RHEB: variants seen among roughly 807,000 people sequenced by gnomAD.
RHEB encodes the protein GTP-binding protein Rheb.
Under a neutral mutation model 28.8 loss-of-function variants are expected in RHEB, and 2 were observed. The observed-to-expected ratio is 0.07, with a 90% CI of 0.03 to 0.22. The LOEUF (loss-of-function observed/expected upper bound fraction) is 0.22. Among genes scored for constraint, RHEB ranks in the 10% least tolerant of loss-of-function variants. The pLI is 1.00. For synonymous variants in RHEB, 69 were observed against 77.3 expected, an observed-to-expected ratio of 0.89 and a Z score of 0.56; for missense variants, 76 against 219.9, an observed-to-expected ratio of 0.35 and a Z score of 4.14.
At chr7:151,469,710 T>C (rs1802125917) in intron 7 of RHEB, among the ~76,000 whole-genome samples, 1 of 152,036 alleles carries the variant, frequency 6.6e-6, no homozygotes, top group East Asian at 1.9e-4. Flanking sequence ...AGGTGAGACA[T>C]TTTGAAAGTG....
intron 1 of RHEB, among the ~76,000 whole-genome samples, chr7:151,517,147 T>TGAGGTCAGGCGTTTGAGAC (rs1193897931): frequency 6.6e-6 from 1 of 152,168 alleles, no homozygotes; most frequent in African/African-American, 2.4e-5. Flanking sequence ...GAGGACCACC[T>TGAGGTCAGGCGTTTGAGAC]GAGGTCAGGC....
At chr7:151,497,534 A>G (rs1802695070) in intron 1 of RHEB, among the ~76,000 whole-genome samples, 1 of 152,240 alleles carries the variant, frequency 6.6e-6, no homozygotes, top group Non-Finnish European at 1.5e-5. Context: ...AAGGACACCT[A>G]CTATGGGCCA....
At chr7:151,499,884 C>G (rs555362360) in intron 1 of RHEB, among the ~76,000 whole-genome samples, 1 of 152,326 alleles carries the variant, frequency 6.6e-6, no homozygotes, top group East Asian at 1.9e-4. Flanking sequence ...TCAGAGCTCA[C>G]TGCAGCCTCC....
chr7:151,480,309 C>T (rs6976123), intron 3 of RHEB, among the ~76,000 whole-genome samples: 7,396 of 152,064 alleles, frequency 0.049, 535 homozygotes, highest in African/African-American at 0.16. Flanking sequence ...CTGGATATTA[C>T]GCAGCCTTGG....
At chr7:151,483,581 G>T (rs1802415982) in intron 3 of RHEB, among the ~76,000 whole-genome samples, 1 of 152,164 alleles carries the variant, frequency 6.6e-6, no homozygotes, top group Admixed American at 6.5e-5. Context: ...AGCCGGGTGT[G>T]GTGGTGTGCC....
chr7:151,512,580 T>G (rs1261358084), intron 1 of RHEB, among the ~76,000 whole-genome samples: 1 of 152,176 alleles, frequency 6.6e-6, no homozygotes, highest in Non-Finnish European at 1.5e-5. Flanking sequence ...CCCTCGTGCT[T>G]CCTTCCATTC....
intron 1 of RHEB, among the ~76,000 whole-genome samples, chr7:151,507,262 T>C (rs763772464): frequency 2.0e-5 from 3 of 152,208 alleles, no homozygotes; most frequent in Non-Finnish European, 2.9e-5. Flanking sequence ...ATGCCAATCA[T>C]ATGCTTAACA....
At chr7:151,504,178 C>A (rs1289519958) in intron 1 of RHEB, among the ~76,000 whole-genome samples, 1 of 152,196 alleles carries the variant, frequency 6.6e-6, no homozygotes, top group Non-Finnish European at 1.5e-5. Context: ...TTGTGCCCAG[C>A]GTTTGGGAGC....
chr7:151,512,364 CCCA>C (rs1344208166), intron 1 of RHEB, among the ~76,000 whole-genome samples: 1 of 152,162 alleles, frequency 6.6e-6, no homozygotes, highest in African/African-American at 2.4e-5. Flanking sequence ...TGTACTCCTC[CCCA>C]CCTTCATCCT....
At chr7:151,497,832 C>T (rs1245765097) in intron 1 of RHEB, among the ~76,000 whole-genome samples, 1 of 152,244 alleles carries the variant, frequency 6.6e-6, no homozygotes, top group Non-Finnish European at 1.5e-5. Flanking sequence ...CTCCTCTGAA[C>T]CTTCCTCCTC....
chr7:151,469,785 G>A (rs774139152), intron 7 of RHEB, among the ~76,000 whole-genome samples: 5 of 152,186 alleles, frequency 3.3e-5, no homozygotes, highest in Non-Finnish European at 5.9e-5. Context: ...GTACAAGAAC[G>A]TGGTGAGAGA....
intron 4 of RHEB, among the ~76,000 whole-genome samples, chr7:151,474,397 T>G (rs988848739): frequency 1.3e-5 from 2 of 152,186 alleles, no homozygotes; most frequent in African/African-American, 4.8e-5. Context: ...GCCAGGCTGG[T>G]CTCGAACTCC....
At chr7:151,506,921 C>G (rs1379336469) in intron 1 of RHEB, among the ~76,000 whole-genome samples, 3 of 152,170 alleles carry the variant, frequency 2.0e-5, no homozygotes, top group Non-Finnish European at 4.4e-5. Context: ...CTAACATCTA[C>G]TGCACATCAC....
At chr7:151,503,052 G>T in intron 1 of RHEB, 1 of 790,436 alleles carries the variant, frequency 1.3e-6, no homozygotes. Flanking sequence ...CAGGACACGC[G>T]AAAGTACTGT....
At chr7:151,495,234 C>G (rs192055243) in intron 1 of RHEB, among the ~76,000 whole-genome samples, 389 of 152,314 alleles carry the variant, frequency 2.6e-3, no homozygotes, top group Non-Finnish European at 3.8e-3. Flanking sequence ...GAAAACTACA[C>G]AGGAGTGATC....
chr7:151,491,538 C>T (rs781627929), intron 1 of RHEB, among the ~76,000 whole-genome samples: 8 of 152,248 alleles, frequency 5.3e-5, no homozygotes, highest in Non-Finnish European at 1.0e-4. Flanking sequence ...GAGTTTGAGA[C>T]CAGCCTGGCC....
At chr7:151,509,538 G>A (rs1802946883) in intron 1 of RHEB, among the ~76,000 whole-genome samples, 1 of 152,114 alleles carries the variant, frequency 6.6e-6, no homozygotes, top group Non-Finnish European at 1.5e-5. Context: ...TCCCTCTAAG[G>A]AAATCTCCCA....
chr7:151,490,644 G>T (rs547258982), intron 2 of RHEB, among the ~76,000 whole-genome samples: 3 of 152,174 alleles, frequency 2.0e-5, no homozygotes, highest in Non-Finnish European at 4.4e-5. Flanking sequence ...AAGGGGGTGT[G>T]GGGGAGAAGA....
chr7:151,516,802 G>A (rs1031716704), intron 1 of RHEB, among the ~76,000 whole-genome samples: 1 of 152,046 alleles, frequency 6.6e-6, no homozygotes, highest in East Asian at 1.9e-4. Context: ...GAAAGGTGTG[G>A]AGGCTTTTTA....
Sources: allele counts gnomAD v4.1 joint callset (sites outside exome capture counted in the v4.1 genomes callset), GRCh38; gene constraint gnomAD v4.1.1; transcripts MANE v1.5; gene names NCBI Gene and HGNC (gene_info 2026-07-23, HGNC 2026-07-21).